The following DMD variants were observed in gnomAD, a reference collection of about 807,000 sequenced individuals.
The protein encoded by DMD is mutant dystrophin.
Under a neutral mutation model 330.1 loss-of-function variants are expected in DMD, and 63 were observed. That is an observed-to-expected ratio of 0.19 (90% CI 0.16 to 0.24). DMD has a LOEUF of 0.24. Ranked by LOEUF, DMD falls within the 10% of genes least tolerant of loss-of-function variation. DMD has a pLI of 1.00. For synonymous variants in DMD, 1,223 were observed against 959.8 expected (o/e 1.27, Z -5.07); for missense variants, 3,344 against 2,684.1 (o/e 1.25, Z -5.43).
chrX:31,154,051 T>C (rs1392401824), intron 74 of DMD, among the ~76,000 whole-genome samples: 1 of 112,243 alleles, frequency 8.9e-6, no homozygotes, highest in African/African-American at 3.2e-5. Context: ...AATGCAGTCA[T>C]AGTCACAGAG....
rs57376337 is a variant in DMD at position 32,435,275 on chromosome X, C to CATATATATATATATATATATATATATAT, written c.4071+2965_4071+2966insATATATATATATATATATATATATATAT. 3.5e-3 allele frequency among the ~76,000 whole-genome samples: 282 copies of CATATATATATATATATATATATATATAT among 79,468 alleles called. 7 individuals carry two copies. Among genetic ancestry groups the CATATATATATATATATATATATATATAT allele is most frequent in the East Asian group, 6.7e-3 (11 of 1,653 alleles). 69.0% of individuals were successfully genotyped at this position (79,468 alleles called of 115,157 possible). A position where few individuals can be genotyped will look rare whatever the true frequency, so the allele number is the denominator to read the frequency against. On this transcript the variant is annotated intron_variant, in intron 29 of 78. Transcript: ENST00000357033. Reference sequence around the variant, plus strand: ...ATTTACATATTTTAATATATACTTACATATATATATATATATATATATTTA... The same window carrying CATATATATATATATATATATATATATAT: ...ATTTACATATTTTAATATATACTTACATATATATATATATATATATATATATATATATATATATATATATATATATTTA...
rs1569548695 is a variant in DMD, at chrX:33,008,830, A to ATATATACACATATATGTG, written c.93+11308_93+11309insCACATATATGTGTATATA. Among the ~76,000 whole-genome samples, 270 of 60,176 alleles carry ATATATACACATATATGTG rather than the reference A, an allele frequency of 4.5e-3. 2 individuals carry two copies. Among genetic ancestry groups the ATATATACACATATATGTG allele is most frequent in the Non-Finnish European group, 6.8e-3 (213 of 31,335 alleles). The allele number at this position is 60,176 out of a possible 115,157, so 52.3% of individuals were successfully genotyped here. A position where few individuals can be genotyped will look rare whatever the true frequency, so the allele number is the denominator to read the frequency against. The stretch of plus-strand genomic sequence containing the variant: ...TATATATACACATAAATGTATACGT[A>ATATATACACATATATGTG]TATATATACACATATATGTATACGT... On this transcript the variant is annotated intron_variant, in intron 2 of 78. Coordinates refer to ENST00000357033, the MANE Select transcript of DMD (RefSeq NM_004006.3).
intron 29 of DMD, among the ~76,000 whole-genome samples, chrX:32,416,117 C>T (rs747501200): frequency 2.7e-5 from 3 of 111,177 alleles, no homozygotes; most frequent in East Asian, 2.8e-4. Context: ...AATAAAAAAC[C>T]GAATATTGAA....
At chrX:32,353,421 A>G (rs965038033) in intron 37 of DMD, among the ~76,000 whole-genome samples, 2 of 111,685 alleles carry the variant, frequency 1.8e-5, no homozygotes, top group African/African-American at 6.5e-5. Flanking sequence ...AAAGTATATC[A>G]TGCCTGCTTT....
chrX:32,109,719 C>T (rs1180954698), intron 44 of DMD, among the ~76,000 whole-genome samples: 4 of 110,679 alleles, frequency 3.6e-5, no homozygotes, highest in African/African-American at 1.3e-4. Context: ...TTCTGGAGTG[C>T]GTGGTGTGTG....
intron 1 of DMD, among the ~76,000 whole-genome samples, chrX:33,135,377 T>G (rs1185085380): frequency 8.9e-6 from 1 of 112,274 alleles, no homozygotes; most frequent in African/African-American, 3.2e-5. Flanking sequence ...AGTCTCTAAA[T>G]ACTTGTACAT....
In DMD at chrX:31,366,499, TAAAA is replaced by T. The variant is rs1198673918; in HGVS notation, c.9085-17869_9085-17866del. Among the ~76,000 whole-genome samples, 30 of 36,489 alleles carry T rather than the reference TAAAA, an allele frequency of 8.2e-4. No individual in the cohort carries two copies. The East Asian group carries it at 8.2e-3, about 10-fold the overall frequency. The allele number at this position is 36,489 out of a possible 115,157, so 31.7% of individuals were successfully genotyped here. A position where few individuals can be genotyped will look rare whatever the true frequency, so the allele number is the denominator to read the frequency against. ...AAAAAAAAAAAAAAAAAAAAAAACA[TAAAA>T]AAAAAAATAAATAAATAAAAAAGAT... On this transcript the variant is annotated intron_variant, in intron 60 of 78. Transcript: ENST00000357033.
At chrX:31,516,817 C>T (rs1372114391) in intron 55 of DMD, among the ~76,000 whole-genome samples, 1 of 111,796 alleles carries the variant, frequency 8.9e-6, no homozygotes, top group Non-Finnish European at 1.9e-5. Context: ...AAGGGATATG[C>T]TTTCTTGCCT....
chrX:31,294,789 C>A (rs912429647), intron 62 of DMD, among the ~76,000 whole-genome samples: 96 of 111,499 alleles, frequency 8.6e-4, no homozygotes, highest in African/African-American at 3.0e-3. Context: ...TAAAGGAAGG[C>A]AAGAAGTATC....
chrX:32,791,164 A>G (rs902703911), intron 7 of DMD, among the ~76,000 whole-genome samples: 11 of 111,361 alleles, frequency 9.9e-5, no homozygotes, highest in Non-Finnish European at 2.1e-4. Context: ...GGCTTGCCCA[A>G]TCTGTTGCAT....
chrX:32,348,890 C>T (rs1429963373), intron 37 of DMD, among the ~76,000 whole-genome samples: 1 of 111,341 alleles, frequency 9.0e-6, no homozygotes, highest in East Asian at 2.8e-4. Context: ...AAATATGTCT[C>T]ATCAGAAATT....
intron 51 of DMD, among the ~76,000 whole-genome samples, chrX:31,756,626 C>T (rs1018328527): frequency 3.5e-5 from 4 of 112,680 alleles, no homozygotes; most frequent in African/African-American, 1.3e-4. Context: ...CGCCAGTTAG[C>T]TTGTACCACT....
chrX:32,589,186 C>T (rs1349282089), intron 13 of DMD, among the ~76,000 whole-genome samples: 1 of 111,593 alleles, frequency 9.0e-6, no homozygotes, highest in Non-Finnish European at 1.9e-5. Context: ...ATTAAATAAT[C>T]GCCCACTCTA....
rs756591688 is a variant in DMD at position 32,844,765 on chromosome X, G to C, written c.264+18C>G. 8 of 1,196,086 alleles carry C rather than the reference G, an allele frequency of 6.7e-6. No individual in the cohort carries two copies. In the South Asian group the frequency reaches 1.4e-4, roughly 21 times the overall value. On this transcript the variant is annotated intron_variant, in intron 4 of 78. Coordinates refer to ENST00000357033, the MANE Select transcript of DMD (RefSeq NM_004006.3). ...TGCTGTGTCACAGCATCCAGACCTTGTCCAGGGTACTACTTACATTATTGT... is the reference window on the plus strand; with the variant it reads ...TGCTGTGTCACAGCATCCAGACCTTCTCCAGGGTACTACTTACATTATTGT...
intron 41 of DMD, among the ~76,000 whole-genome samples, chrX:32,334,520 G>T (rs184658598): frequency 5.5e-4 from 61 of 111,600 alleles, no homozygotes; most frequent in Non-Finnish European, 1.3e-4. Context: ...TATAAAAAAT[G>T]TGTAGCAGAC....
chrX:32,230,405 C>T (rs991075528), intron 43 of DMD, among the ~76,000 whole-genome samples: 7 of 111,028 alleles, frequency 6.3e-5, no homozygotes, highest in Non-Finnish European at 1.1e-4. Flanking sequence ...CCACCACGCC[C>T]GGCTAATTTT....
chrX:32,666,953 G>A (rs1051623837), intron 9 of DMD, among the ~76,000 whole-genome samples: 1 of 111,099 alleles, frequency 9.0e-6, no homozygotes, highest in East Asian at 2.8e-4. Context: ...ACACAACCTT[G>A]TAAAGATATC....
At chrX:33,264,612 T>C (rs1371544060) in intron 1 of DMD, among the ~76,000 whole-genome samples, 1 of 111,070 alleles carries the variant, frequency 9.0e-6, no homozygotes, top group Non-Finnish European at 1.9e-5. Context: ...TAAAGTCAGT[T>C]GGATCAGAAT....
intron 1 of DMD, among the ~76,000 whole-genome samples, chrX:33,196,140 T>C (rs888648675): frequency 1.8e-5 from 2 of 111,841 alleles, no homozygotes; most frequent in Admixed American, 1.9e-4. Context: ...AAAAATAATA[T>C]TAATAGTCAT....
Sources: gnomAD v4.1 joint callset for allele counts (sites outside exome capture counted in the v4.1 genomes callset) on GRCh38, gnomAD v4.1.1 for gene constraint, MANE v1.5 for transcripts, NCBI Gene and HGNC (gene_info 2026-07-23, HGNC 2026-07-21) for gene names.